The following SH3TC2 variants were observed in gnomAD, a reference collection of about 807,000 sequenced individuals.
SH3TC2 encodes SH3 domain and tetratricopeptide repeats 2, also known as SH3 domain and tetratricopeptide repeat-containing protein 2.
A neutral mutation model predicts 124.5 loss-of-function variants in SH3TC2; 87 were observed. The ratio of observed to expected loss-of-function variants is 0.70; its 90% confidence interval spans 0.59 to 0.84. The LOEUF (loss-of-function observed/expected upper bound fraction) is 0.84, where lower values mean the gene tolerates loss of function less well. Ranked by LOEUF, SH3TC2 falls within the 40% of genes least tolerant of loss-of-function variation. The probability of loss-of-function intolerance (pLI) is 0.00; values close to 1 mark genes in which losing one functional copy is unlikely to be tolerated. For missense variants in SH3TC2, 1,536 were observed against 1,566.4 expected, an observed-to-expected ratio of 0.98 and a Z score of 0.33; for synonymous variants, 634 against 628.5, an observed-to-expected ratio of 1.01 and a Z score of -0.13.
chr5:149,005,199 C>T (rs149210170), intron 16 of SH3TC2, among the ~76,000 whole-genome samples: 6 of 152,276 alleles, frequency 3.9e-5, no homozygotes, highest in Non-Finnish European at 5.9e-5. Flanking sequence ...GGGATGTGTA[C>T]ATGACCCAAA....
chr5:149,055,505 G>A (rs1389144951), intron 1 of SH3TC2, among the ~76,000 whole-genome samples: 1 of 150,480 alleles, frequency 6.6e-6, no homozygotes, highest in Non-Finnish European at 1.5e-5. Flanking sequence ...AAAAAAAAAA[G>A]ACAGATAAAG....
At chr5:149,049,788 A>C (rs927165086) in intron 2 of SH3TC2, among the ~76,000 whole-genome samples, 20 of 148,972 alleles carry the variant, frequency 1.3e-4, no homozygotes, top group African/African-American at 4.6e-4. Flanking sequence ...GTCTCAAGGA[A>C]AAAAAAAAAA....
rs1229912505 is a variant in SH3TC2, at chr5:148,992,343, G to C, written c.*12368C>G. On this transcript the variant is annotated 3_prime_UTR_variant, in exon 17 of 17. Coordinates refer to ENST00000515425, the MANE Select transcript of SH3TC2 (RefSeq NM_024577.4). ...TAAGAAACCAACAATGCATACAAAGGGTTCCAGATCCTGCTTTTCTGGATG... is the reference window on the plus strand; with the variant it reads ...TAAGAAACCAACAATGCATACAAAGCGTTCCAGATCCTGCTTTTCTGGATG... 6.6e-6 allele frequency among the ~76,000 whole-genome samples: 1 copy of C among 152,086 alleles called. No homozygotes were observed. The highest frequency in any genetic ancestry group is 1.5e-5 in the Non-Finnish European group (1 of 68,018).
rs1288405983 is a variant in SH3TC2, at chr5:149,003,719, C to T, written c.*992G>A. On this transcript the variant is annotated 3_prime_UTR_variant, in exon 17 of 17. Transcript: ENST00000515425. ...TAAGATGCCTTGTAGTTGGGTATGG[C>T]ACATGCCTGTAGTTCCAGCTACTCA... is the stretch of plus-strand genomic sequence containing the variant. 3 of 416,922 alleles carry T rather than the reference C, an allele frequency of 7.2e-6. No individual in the cohort carries two copies. Among genetic ancestry groups the T allele is most frequent in the Non-Finnish European group, 1.4e-5 (3 of 213,500 alleles). The allele number at this position is 416,922 out of a possible 1,614,324, so 25.8% of individuals were successfully genotyped here.
At chr5:149,007,484 T>G in intron 15 of SH3TC2, 1 of 396,374 alleles carries the variant, frequency 2.5e-6, no homozygotes, top group Non-Finnish European at 4.6e-6. Flanking sequence ...AAGTCTAGCT[T>G]GATGGAGTAG....
Position 148,993,527 on chromosome 5 carries a change from A to G in SH3TC2, c.*11184T>C, listed in dbSNP as rs865861721. Among the ~76,000 whole-genome samples the G allele has an allele frequency of 6.6e-6, 1 of 152,220 alleles. No individual in the cohort carries two copies. The highest frequency in any genetic ancestry group is 2.4e-5 in the African/African-American group (1 of 41,456). ...ATACTTTCTTGATAAAAATTCAGCCATTATTGGTGTTTTTAATGTTGTAGT... is the reference window on the plus strand; with the variant it reads ...ATACTTTCTTGATAAAAATTCAGCCGTTATTGGTGTTTTTAATGTTGTAGT... On this transcript the variant is annotated 3_prime_UTR_variant, in exon 17 of 17. Transcript: ENST00000515425.
At position 149,018,427 on chromosome 5, in the gene SH3TC2, C is replaced by T. The variant is rs566153421; in HGVS notation, c.3054-5693G>A. The stretch of plus-strand genomic sequence containing the variant: ...TAAAGAAAAAGAGGTTTAATGGACT[C>T]ACAGTTCCATGTGGCTGGGAAGGCC... On this transcript the variant is annotated intron_variant, in intron 12 of 16. Transcript: ENST00000515425. Among the ~76,000 whole-genome samples, 3 of 152,230 alleles carry T rather than the reference C, an allele frequency of 2.0e-5. No individual in the cohort carries two copies. The South Asian group carries it at 6.2e-4, about 32-fold the overall frequency.
chr5:149,017,037 C>G (rs968728356), intron 12 of SH3TC2, among the ~76,000 whole-genome samples: 1 of 151,964 alleles, frequency 6.6e-6, no homozygotes, highest in African/African-American at 2.4e-5. Flanking sequence ...ATATGCAAGG[C>G]ATCCCTTCTT....
intron 12 of SH3TC2, among the ~76,000 whole-genome samples, chr5:149,021,778 A>C (rs1753973735): frequency 6.6e-6 from 1 of 152,038 alleles, no homozygotes; most frequent in Non-Finnish European, 1.5e-5. Context: ...TCAAAAACAA[A>C]ACAAAAAAAC....
intron 2 of SH3TC2, among the ~76,000 whole-genome samples, chr5:149,049,268 C>T (rs1450712887): frequency 6.6e-6 from 1 of 152,204 alleles, no homozygotes; most frequent in Non-Finnish European, 1.5e-5. Context: ...TCCAGGCCTC[C>T]ATCTGGTAGC....
intron 16 of SH3TC2, among the ~76,000 whole-genome samples, 174 bp from the exon 17 acceptor site, chr5:149,005,076 T>C (rs1382631770): frequency 6.6e-6 from 1 of 152,146 alleles, no homozygotes; most frequent in Non-Finnish European, 1.5e-5. Flanking sequence ...CTCCCTCCAC[T>C]GTGGTCCTTG....
chr5:149,052,261 G>A lies in SH3TC2; in HGVS notation c.53-21C>T, dbSNP rs370836236. On this transcript the variant is annotated intron_variant, in intron 1 of 16. Coordinates refer to ENST00000515425, the MANE Select transcript of SH3TC2 (RefSeq NM_024577.4). ...TTTACCTGGAGAAGATGAAATAAAAGGTCATCTTAAGAGTGTAAGGAAGTT... is the reference window on the plus strand; with the variant it reads ...TTTACCTGGAGAAGATGAAATAAAAAGTCATCTTAAGAGTGTAAGGAAGTT... 5.2e-4 allele frequency: 813 copies of A among 1,555,244 alleles called. 4 individuals carry two copies. Among genetic ancestry groups the A allele is most frequent in the South Asian group, 3.3e-3 (294 of 89,896 alleles).
In SH3TC2 at chr5:148,994,064, G is replaced by A. The variant is rs1175793081; in HGVS notation, c.*10647C>T. 1.3e-5 allele frequency among the ~76,000 whole-genome samples: 2 copies of A among 152,172 alleles called. No homozygotes were observed. On this transcript the variant is annotated 3_prime_UTR_variant, in exon 17 of 17. Transcript: ENST00000515425. The stretch of plus-strand genomic sequence containing the variant: ...TGAGGTCACACATTTCATAAGCAGT[G>A]GAGCTGTTCAGTCTACTACCATGCA...
intron 3 of SH3TC2, chr5:149,045,365 T>C (rs1257523407): frequency 6.6e-6 from 1 of 152,264 alleles, no homozygotes. Flanking sequence ...CATAATGAAT[T>C]ATTATCATTT....
At chr5:149,045,637 T>C (rs554109383) in intron 3 of SH3TC2, 30 of 153,160 alleles carry the variant, frequency 2.0e-4, no homozygotes, top group African/African-American at 6.8e-4. Flanking sequence ...GGGGGTTTTT[T>C]TGTTTTCTTT....
chr5:149,043,177 G>A (rs1286789562), intron 4 of SH3TC2, among the ~76,000 whole-genome samples: 1 of 152,116 alleles, frequency 6.6e-6, no homozygotes, highest in African/African-American at 2.4e-5. Context: ...TTGACTATGG[G>A]GGTTCCTAGT....
chr5:148,995,760 G>C lies in SH3TC2; in HGVS notation c.*8951C>G, dbSNP rs1168913341. On this transcript the variant is annotated 3_prime_UTR_variant, in exon 17 of 17. Coordinates refer to ENST00000515425, the MANE Select transcript of SH3TC2 (RefSeq NM_024577.4). ...CTGGGCTGGGCTCCAGAAATACAGA[G>C]CTGAGTGACCCAAATAAGATTCCTG... 6.6e-6 allele frequency among the ~76,000 whole-genome samples: 1 copy of C among 152,040 alleles called. No individual in the cohort carries two copies. The highest frequency in any genetic ancestry group is 1.5e-5 in the Non-Finnish European group (1 of 68,012).
At chr5:149,056,875 C>G (rs1754657309) in intron 1 of SH3TC2, among the ~76,000 whole-genome samples, 1 of 151,744 alleles carries the variant, frequency 6.6e-6, no homozygotes, top group African/African-American at 2.4e-5. Context: ...TTCAAGGCAA[C>G]AAAAAACTGT....
intron 12 of SH3TC2, among the ~76,000 whole-genome samples, chr5:149,014,699 G>A (rs1401594996): frequency 6.6e-6 from 1 of 152,204 alleles, no homozygotes; most frequent in Non-Finnish European, 1.5e-5. Context: ...AATACAATGA[G>A]CTGAAAAACT....
Sources: allele counts gnomAD v4.1 joint callset (sites outside exome capture counted in the v4.1 genomes callset), GRCh38; gene constraint gnomAD v4.1.1; transcripts MANE v1.5; gene names NCBI Gene and HGNC (gene_info 2026-07-23, HGNC 2026-07-21).